Variants in CCNF observed in about 807,000 individuals in gnomAD.
The protein encoded by CCNF is cyclin-F.
In CCNF, 30 loss-of-function variants were observed where a neutral mutation model predicts 85.4. The observed-to-expected ratio is 0.35, with a 90% CI of 0.26 to 0.48. CCNF has a LOEUF of 0.48. CCNF is among the 20% of genes least tolerant of loss of function. The pLI is 0.99. For missense variants in CCNF, 919 were observed against 1,010.4 expected (o/e 0.91, Z 1.23); for synonymous variants, 439 against 425.1 (o/e 1.03, Z -0.40).
chr16:2,456,865 A>G lies in CCNF; in HGVS notation c.2206A>G (p.Thr736Ala), dbSNP rs2065431668. 2 of 1,614,098 alleles carry G rather than the reference A, an allele frequency of 1.2e-6. No individual in the cohort carries two copies. Among genetic ancestry groups the G allele is most frequent in the Middle Eastern group, 1.7e-4 (1 of 6,060 alleles). Residue 736 changes from threonine to alanine, a missense_variant, in exon 17 of 17, where the codon ACA (threonine) becomes GCA (alanine). This residue lies in a region of CCNF where 505 missense variants were observed against 514.8 expected (regional missense o/e 0.98). Coordinates refer to ENST00000397066, the MANE Select transcript of CCNF (RefSeq NM_001761.3). This position sits in a 1 kb window ranked among gnomAD's most constrained non-coding sequence, Gnocchi z 4.5. ...GCTGTCCCTGGACAGTGACTCGCAC[A>G]CACAGCCCTGCCACCATCAGGCCAG... ...SVLSLDSDSH[T>A]QPCHHQARKS...
In CCNF at chr16:2,452,986, GT is replaced by G; in HGVS notation, c.1488-223del. 1 of 588,694 alleles carries G rather than the reference GT, an allele frequency of 1.7e-6. No individual in the cohort carries two copies. Among genetic ancestry groups the G allele is most frequent in the Non-Finnish European group, 3.0e-6 (1 of 329,592 alleles). The allele number at this position is 588,694 out of a possible 1,614,324, so 36.5% of individuals were successfully genotyped here. ...GAACAGTCCTGCCATGAACATTCTA[GT>G]ACAGGTTTCTGTGTGGACATAGTTT... On this transcript the variant is annotated intron_variant, in intron 13 of 16. Coordinates refer to ENST00000397066, the MANE Select transcript of CCNF (RefSeq NM_001761.3). This position sits in a 1 kb window ranked among gnomAD's most constrained non-coding sequence, Gnocchi z 4.1.
rs1357373381 is a variant in CCNF at position 2,458,639 on chromosome 16, CCG to C, written c.*1622_*1623del. ...GTGCTGGTGCTATGTGTGTTCATGT[CCG>C]CGGCAGCTGTCTTTTTGCTACTATA... On this transcript the variant is annotated 3_prime_UTR_variant, in exon 17 of 17. Transcript: ENST00000397066. The C allele has an allele frequency of 3.3e-5, 5 of 152,350 alleles. No homozygotes were observed. The highest frequency in any genetic ancestry group is 1.2e-4 in the African/African-American group (5 of 41,554). The allele number at this position is 152,350 out of a possible 1,614,324, so 9.4% of individuals were successfully genotyped here.
chr16:2,456,585 C>A lies in CCNF; in HGVS notation c.1926C>A (p.Tyr642Ter). 1 of 1,580,984 alleles carries A rather than the reference C, an allele frequency of 6.3e-7. No individual in the cohort carries two copies. The highest frequency in any genetic ancestry group is 8.6e-7 in the Non-Finnish European group (1 of 1,165,420). Residue 642 changes from tyrosine (Y) to a stop codon, truncating the protein, a stop_gained, in exon 17 of 17, where the codon TAC becomes TAA. Coordinates refer to ENST00000397066, the MANE Select transcript of CCNF (RefSeq NM_001761.3). LOFTEE classifies it low-confidence loss of function (END_TRUNC). The surrounding 1 kb of genome is among the most constrained non-coding windows in gnomAD (Gnocchi z 4.5). ...GCATCCTCGATGTCACCGTGGTCTA[C>A]CTGAACCCAGAACAGCATTGCTGCC... ...PSGILDVTVV[Y>*]LNPEQHCCQE...
intron 4 of CCNF, chr16:2,436,910 AG>A (rs1175992919): frequency 7.8e-6 from 3 of 383,314 alleles, no homozygotes; most frequent in Non-Finnish European, 1.4e-5. Flanking sequence ...GGACCACAGC[AG>A]GGGCATTGAT....
chr16:2,432,698 C>CT (rs2141813619), intron 2 of CCNF, among the ~76,000 whole-genome samples: 1 of 152,344 alleles, frequency 6.6e-6, no homozygotes, highest in East Asian at 1.9e-4. Context: ...GTTGAACCCT[C>CT]TTTCTCAGCC....
chr16:2,430,373 G>C (rs1164495204), intron 1 of CCNF, among the ~76,000 whole-genome samples: 1 of 152,182 alleles, frequency 6.6e-6, no homozygotes, highest in Non-Finnish European at 1.5e-5. Context: ...GCTGGAGTAG[G>C]AGTTGGAAAA....
At chr16:2,443,573 A>T (rs2141822920) in intron 8 of CCNF, 76 bp from the exon 9 acceptor site, 1 of 1,499,284 alleles carries the variant, frequency 6.7e-7, no homozygotes, top group Middle Eastern at 1.7e-4. Context: ...TGGTGCCTGA[A>T]TGGGCCTTTG....
At chr16:2,443,349 T>C (rs2065343122) in intron 8 of CCNF, among the ~76,000 whole-genome samples, 1 of 151,520 alleles carries the variant, frequency 6.6e-6, no homozygotes, top group African/African-American at 2.4e-5. Flanking sequence ...CTGGGGCGTA[T>C]GGCCAGAGAC....
chr16:2,445,791 G>T (rs1301241505), intron 10 of CCNF, among the ~76,000 whole-genome samples, 169 bp downstream of exon 10: 1 of 150,638 alleles, frequency 6.6e-6, no homozygotes, highest in East Asian at 1.9e-4. Flanking sequence ...GCAGTGGTGC[G>T]ATCTTGGCTC....
intron 9 of CCNF, among the ~76,000 whole-genome samples, chr16:2,444,535 C>T (rs1427527879): frequency 2.0e-5 from 3 of 151,402 alleles, no homozygotes; most frequent in East Asian, 1.9e-4. Context: ...CTCCTGACCT[C>T]GTGATCCGCC....
In CCNF at chr16:2,452,510, G is replaced by A. The variant is rs559613342; in HGVS notation, c.1488-700G>A. On this transcript the variant is annotated intron_variant, in intron 13 of 16. Coordinates refer to ENST00000397066, the MANE Select transcript of CCNF (RefSeq NM_001761.3). The surrounding 1 kb of genome is among the most constrained non-coding windows in gnomAD (Gnocchi z 4.1). ...GGGCTGCGTTTATTCTCTTCCTCCT[G>A]AAGAAGTTAATTTTTTTTCCAAACA... The A allele has an allele frequency of 3.3e-4, 51 of 152,446 alleles. No individual in the cohort carries two copies. Among genetic ancestry groups the A allele is most frequent in the African/African-American group, 1.2e-3 (51 of 41,562 alleles). 9.4% of individuals were successfully genotyped at this position (152,446 alleles called of 1,614,324 possible).
rs780974312 is a variant in CCNF at position 2,437,281 on chromosome 16, G to A, written c.499G>A (p.Val167Met). Residue 167 changes from valine to methionine, a missense_variant, in exon 5 of 17, where the codon GTG becomes ATG. Around this residue, in one of 3 missense-constraint regions of CCNF, gnomAD observed 410 missense variants for 478.6 expected, o/e 0.86. Transcript: ENST00000397066. ...WSVSGSCCKA[V>M]VHESLRAECQ... ...GGTGAGCGGAAGCTGCTGCAAGGCC[G>A]TGGTTCACGAGAGCCTCAGGGCAGA... 13 of 1,607,304 alleles carry A rather than the reference G, an allele frequency of 8.1e-6. No homozygotes were observed. Among genetic ancestry groups the A allele is most frequent in the Admixed American group, 1.7e-5 (1 of 59,872 alleles).
At chr16:2,454,125 A>G (rs2065411283) in intron 15 of CCNF, among the ~76,000 whole-genome samples, 1 of 151,984 alleles carries the variant, frequency 6.6e-6, no homozygotes, top group Admixed American at 6.5e-5. Context: ...TGCACCAGTA[A>G]CCTTCCCAAG....
rs2065302048 is a variant in CCNF at position 2,438,237 on chromosome 16, C to G, written c.594+114C>G. On this transcript the variant is annotated intron_variant, in intron 6 of 16. Transcript: ENST00000397066. ...TCCAAGGCCCAAAACAAAAGGCAAGCCTTGCCCAGAAAGGCCTAGCTGGAG... is the reference window on the plus strand; with the variant it reads ...TCCAAGGCCCAAAACAAAAGGCAAGGCTTGCCCAGAAAGGCCTAGCTGGAG... 5 of 843,342 alleles carry G rather than the reference C, an allele frequency of 5.9e-6. No homozygotes were observed. The Admixed American group carries it at 8.7e-5, about 15-fold the overall frequency. 52.2% of individuals were successfully genotyped at this position (843,342 alleles called of 1,614,324 possible). A position where few individuals can be genotyped will look rare whatever the true frequency, so the allele number is the denominator to read the frequency against.
chr16:2,439,285 A>ATT, intron 6 of CCNF, 68 bp from the exon 7 acceptor site: 1 of 1,366,142 alleles, frequency 7.3e-7, no homozygotes, highest in South Asian at 1.3e-5. Flanking sequence ...GCGACGAGTG[A>ATT]AACTGTCTCA....
chr16:2,435,945 C>A, intron 4 of CCNF, 72 bp downstream of exon 4: 2 of 1,120,646 alleles, frequency 1.8e-6, no homozygotes, highest in South Asian at 1.3e-5. Flanking sequence ...AAGAAGTGGT[C>A]CCCGTGTTAG....
chr16:2,452,989 C>A lies in CCNF; in HGVS notation c.1488-221C>A, dbSNP rs2065403152. 1.7e-6 allele frequency: 1 copy of A among 589,624 alleles called. No homozygotes were observed. Among genetic ancestry groups the A allele is most frequent in the African/African-American group, 1.9e-5 (1 of 53,792 alleles). 36.5% of individuals were successfully genotyped at this position (589,624 alleles called of 1,614,324 possible). On this transcript the variant is annotated intron_variant, in intron 13 of 16. Transcript: ENST00000397066. This position sits in a 1 kb window ranked among gnomAD's most constrained non-coding sequence, Gnocchi z 4.1. ...CAGTCCTGCCATGAACATTCTAGTA[C>A]AGGTTTCTGTGTGGACATAGTTTTT...
At position 2,448,957 on chromosome 16, in the gene CCNF, C is replaced by T. The variant is rs368482479; in HGVS notation, c.1197C>T (p.Ser399=). The T allele has an allele frequency of 8.1e-6, 13 of 1,613,988 alleles. No homozygotes were observed. Among genetic ancestry groups the T allele is most frequent in the Admixed American group, 1.7e-5 (1 of 59,996 alleles). Residue 399 remains serine (S), a synonymous_variant, in exon 11 of 17, where the codon TCC becomes TCT. Transcript: ENST00000397066. The part of the protein sequence containing the change: ...DLVRMMGEIV[S]ALEGKIRVPT... The stretch of plus-strand genomic sequence containing the variant: ...TGAGAATGATGGGCGAGATCGTCTC[C>T]GCCTTGGAAGGGAAGATTCGAGTAA...
At chr16:2,447,939 G>A (rs1040907421) in intron 10 of CCNF, among the ~76,000 whole-genome samples, 1 of 152,220 alleles carries the variant, frequency 6.6e-6, no homozygotes, top group Admixed American at 6.5e-5. Flanking sequence ...TTGGTCAAGT[G>A]AATGACGCAT....
Sources: gnomAD v4.1 joint callset for allele counts (sites outside exome capture counted in the v4.1 genomes callset) on GRCh38, gnomAD v4.1.1 for gene constraint, gnomAD v4.1.1 regional missense constraint, Gnocchi (gnomAD v3.1) non-coding constraint, MANE v1.5 for transcripts, NCBI Gene and HGNC (gene_info 2026-07-23, HGNC 2026-07-21) for gene names.